Variants in GRM7 observed in about 807,000 individuals in gnomAD.
GRM7 encodes the protein metabotropic glutamate receptor 7.
In GRM7, 35 loss-of-function variants were observed where a neutral mutation model predicts 84.5. The ratio of observed to expected loss-of-function variants is 0.41; its 90% CI spans 0.32 to 0.55. The LOEUF is 0.55. Among genes scored for constraint, GRM7 ranks in the 20% least tolerant of loss-of-function variants. GRM7 has a pLI of 0.19. For synonymous variants in GRM7, 487 were observed against 455.1 expected (o/e 1.07, Z -0.89); for missense variants, 1,003 against 1,194.6 (o/e 0.84, Z 2.36).
At chr3:7,615,540 A>T (rs1697041525) in intron 8 of GRM7, among the ~76,000 whole-genome samples, 1 of 152,104 alleles carries the variant, frequency 6.6e-6, no homozygotes, top group African/African-American at 2.4e-5. Context: ...AATATGGATA[A>T]TTTGAGGTAG....
At chr3:7,468,879 G>GC (rs1354205398) in intron 7 of GRM7, among the ~76,000 whole-genome samples, 1 of 152,142 alleles carries the variant, frequency 6.6e-6, no homozygotes, top group Non-Finnish European at 1.5e-5. Context: ...GGCCTCCCTA[G>GC]CCATGTGGAA....
chr3:7,686,403 G>C, intron 9 of GRM7: 1 of 1,563,150 alleles, frequency 6.4e-7, no homozygotes, highest in Non-Finnish European at 8.8e-7. Flanking sequence ...CTGTTACTTG[G>C]TACACTATCC....
chr3:7,435,851 CTTT>C (rs34860272), intron 5 of GRM7, among the ~76,000 whole-genome samples: 5,453 of 89,398 alleles, frequency 0.061, 83 homozygotes, highest in African/African-American at 0.13. Flanking sequence ...CCACACCCAT[CTTT>C]TTTTTTTTTT....
At chr3:7,234,830 A>T (rs759917624) in intron 2 of GRM7, among the ~76,000 whole-genome samples, 2 of 152,200 alleles carry the variant, frequency 1.3e-5, no homozygotes, top group Non-Finnish European at 2.9e-5. Context: ...ACTCTCCATT[A>T]GAGATTATGT....
intron 7 of GRM7, among the ~76,000 whole-genome samples, chr3:7,565,090 T>C (rs984676606): frequency 6.6e-6 from 1 of 152,230 alleles, no homozygotes; most frequent in African/African-American, 2.4e-5. Context: ...CTGCAAACAT[T>C]CATTATATAC....
chr3:7,110,454 A>T (rs1692805810), intron 1 of GRM7, among the ~76,000 whole-genome samples: 1 of 151,812 alleles, frequency 6.6e-6, no homozygotes, highest in Admixed American at 6.6e-5. Flanking sequence ...TAAAAAAACT[A>T]GCTAGGTGTG....
At chr3:7,621,496 A>T (rs1285833012) in intron 8 of GRM7, among the ~76,000 whole-genome samples, 1 of 152,122 alleles carries the variant, frequency 6.6e-6, no homozygotes, top group Non-Finnish European at 1.5e-5. Flanking sequence ...GTAAAATGTG[A>T]CTTGCATTAG....
intron 1 of GRM7, among the ~76,000 whole-genome samples, chr3:7,073,271 A>C (rs1697949481): frequency 6.6e-6 from 1 of 152,068 alleles, no homozygotes. Flanking sequence ...TACTTCTTAT[A>C]TCTCAAAATA....
At chr3:7,403,867 A>C (rs1398020731) in intron 4 of GRM7, among the ~76,000 whole-genome samples, 1 of 151,728 alleles carries the variant, frequency 6.6e-6, no homozygotes, top group Non-Finnish European at 1.5e-5. Context: ...ATATGCTCAA[A>C]TTAAGGGGAC....
At chr3:7,731,583 C>T (rs537502625) in intron 9 of GRM7, among the ~76,000 whole-genome samples, 2 of 152,258 alleles carry the variant, frequency 1.3e-5, no homozygotes, top group South Asian at 4.1e-4. Context: ...AAAACTCAAC[C>T]ACTTTTGTAA....
chr3:7,632,590 A>G (rs1697905211), intron 8 of GRM7, among the ~76,000 whole-genome samples: 1 of 152,222 alleles, frequency 6.6e-6, no homozygotes, highest in Non-Finnish European at 1.5e-5. Flanking sequence ...TCAAAATAGA[A>G]TGTATTACAT....
At chr3:7,084,128 AG>A (rs1184642635) in intron 1 of GRM7, among the ~76,000 whole-genome samples, 1 of 152,166 alleles carries the variant, frequency 6.6e-6, no homozygotes, top group Non-Finnish European at 1.5e-5. Flanking sequence ...TTCGATTTAA[AG>A]CAAATCATTT....
intron 6 of GRM7, among the ~76,000 whole-genome samples, chr3:7,457,690 C>T (rs1220530241): frequency 6.6e-6 from 1 of 152,124 alleles, no homozygotes; most frequent in Non-Finnish European, 1.5e-5. Context: ...TTGGAAGTAG[C>T]ACTGTGACTT....
intron 1 of GRM7, among the ~76,000 whole-genome samples, chr3:6,984,465 G>A (rs554174263): frequency 6.6e-6 from 1 of 152,116 alleles, no homozygotes; most frequent in East Asian, 1.9e-4. Flanking sequence ...TCCATCAATG[G>A]TTACTGGATT....
chr3:7,495,732 C>T (rs767181295), intron 7 of GRM7, among the ~76,000 whole-genome samples: 3 of 152,170 alleles, frequency 2.0e-5, no homozygotes, highest in African/African-American at 7.2e-5. Context: ...AAAGCATAAA[C>T]CTACCTTGAA....
At chr3:6,880,222 C>A (rs187075769) in intron 1 of GRM7, among the ~76,000 whole-genome samples, 58 of 152,260 alleles carry the variant, frequency 3.8e-4, no homozygotes, top group African/African-American at 1.3e-3. Flanking sequence ...CGACAAAGAA[C>A]CCCAAATTCT....
chr3:7,164,185 C>T (rs2048855), intron 2 of GRM7, among the ~76,000 whole-genome samples: 9,697 of 152,064 alleles, frequency 0.064, 769 homozygotes, highest in African/African-American at 0.17. Flanking sequence ...ATGGTGAAAC[C>T]CCATCCCTAC....
At chr3:7,017,041 C>T (rs972006603) in intron 1 of GRM7, among the ~76,000 whole-genome samples, 11 of 152,168 alleles carry the variant, frequency 7.2e-5, no homozygotes, top group African/African-American at 2.4e-4. Context: ...TTAACATGAG[C>T]CCCAGCTGCT....
intron 7 of GRM7, among the ~76,000 whole-genome samples, chr3:7,469,815 G>A (rs911027714): frequency 8.5e-5 from 13 of 152,108 alleles, no homozygotes; most frequent in Non-Finnish European, 1.0e-4. Context: ...AAATAGTACT[G>A]TTATTTTGAT....
Sources: gnomAD v4.1 joint callset for allele counts (sites outside exome capture counted in the v4.1 genomes callset) on GRCh38, gnomAD v4.1.1 for gene constraint, MANE v1.5 for transcripts, NCBI Gene and HGNC (gene_info 2026-07-23, HGNC 2026-07-21) for gene names.